The following ARK2C variants were observed in gnomAD, a reference collection of about 807,000 sequenced individuals.
The protein encoded by ARK2C is E3 ubiquitin-protein ligase ARK2C.
At chr18:46,363,399 G>A in the ARK2C span, among the ~76,000 whole-genome samples, 1 of 152,224 alleles carries the variant, frequency 6.6e-6, no homozygotes, top group Non-Finnish European at 1.5e-5. Flanking sequence ...CTCAGCCAGA[G>A]CTCCTCTTTT....
the ARK2C span, among the ~76,000 whole-genome samples, chr18:46,434,423 G>A: frequency 2.6e-5 from 4 of 152,242 alleles, no homozygotes; most frequent in Admixed American, 1.3e-4. Context: ...TGAGAAGAAT[G>A]ACTTTTTAAA....
chr18:46,432,991 C>T, the ARK2C span, among the ~76,000 whole-genome samples: 1 of 152,120 alleles, frequency 6.6e-6, no homozygotes, highest in Admixed American at 6.5e-5. Context: ...AACACTTCCC[C>T]CTCCATCAGG....
At chr18:46,341,079 G>A in the ARK2C span, among the ~76,000 whole-genome samples, 4 of 152,260 alleles carry the variant, frequency 2.6e-5, no homozygotes, top group Admixed American at 6.5e-5. Context: ...GGGAGCACCG[G>A]GATCATTGTC....
chr18:46,420,627 C>T, the ARK2C span, among the ~76,000 whole-genome samples: 1 of 151,946 alleles, frequency 6.6e-6, no homozygotes, highest in African/African-American at 2.4e-5. Context: ...GGTGGATCAC[C>T]TGAGTTCAGG....
chr18:46,383,586 A>G, the ARK2C span, among the ~76,000 whole-genome samples: 36 of 119,298 alleles, frequency 3.0e-4, no homozygotes, highest in African/African-American at 9.5e-4. Flanking sequence ...ACGGAGTCTC[A>G]CTCTGTCACC....
At chr18:46,353,237 C>T in the ARK2C span, among the ~76,000 whole-genome samples, 52 of 152,338 alleles carry the variant, frequency 3.4e-4, no homozygotes, top group Non-Finnish European at 6.6e-4. Context: ...GGACAGTAGA[C>T]ACTGAATGAA....
the ARK2C span, among the ~76,000 whole-genome samples, chr18:46,349,272 T>A: frequency 3.2e-4 from 48 of 152,238 alleles, 1 homozygote; most frequent in African/African-American, 1.1e-3. Context: ...GAATCCAAGC[T>A]CAAGGTGCCA....
the ARK2C span, among the ~76,000 whole-genome samples, chr18:46,353,420 C>G: frequency 6.6e-6 from 1 of 152,178 alleles, no homozygotes; most frequent in African/African-American, 2.4e-5. Flanking sequence ...TAGGTGAGAG[C>G]AAGGGTCTGT....
chr18:46,379,703 C>A, the ARK2C span, among the ~76,000 whole-genome samples: 4 of 152,228 alleles, frequency 2.6e-5, no homozygotes, highest in African/African-American at 9.6e-5. Flanking sequence ...GTTCATTCAG[C>A]CACCCTGGGG....
chr18:46,374,909 T>A, the ARK2C span, among the ~76,000 whole-genome samples: 1 of 152,164 alleles, frequency 6.6e-6, no homozygotes, highest in East Asian at 1.9e-4. Context: ...GTCTGACATT[T>A]GGTCTTGAGG....
the ARK2C span, chr18:46,455,969 C>T: frequency 1.3e-6 from 2 of 1,597,424 alleles, no homozygotes; most frequent in East Asian, 2.2e-5. Flanking sequence ...CTCTGCTTCT[C>T]ATAGCGAAGA....
chr18:46,389,698 G>A, the ARK2C span, among the ~76,000 whole-genome samples: 1 of 151,922 alleles, frequency 6.6e-6, no homozygotes, highest in Non-Finnish European at 1.5e-5. Flanking sequence ...TCAAGCCATA[G>A]CAGCTCTCTC....
the ARK2C span, among the ~76,000 whole-genome samples, chr18:46,425,948 G>C: frequency 3.9e-5 from 6 of 152,126 alleles, no homozygotes; most frequent in Admixed American, 3.9e-4. Flanking sequence ...CTCATAGATG[G>C]TTCCTTCCCT....
At chr18:46,379,524 TC>T in the ARK2C span, among the ~76,000 whole-genome samples, 4 of 152,184 alleles carry the variant, frequency 2.6e-5, no homozygotes, top group Non-Finnish European at 5.9e-5. Flanking sequence ...AGTAACGGCT[TC>T]CGGGCCTGGC....
the ARK2C span, among the ~76,000 whole-genome samples, chr18:46,394,388 G>A: frequency 1.3e-5 from 2 of 152,142 alleles, no homozygotes; most frequent in African/African-American, 2.4e-5. Context: ...TAATTGTGAC[G>A]GGGTTCACTC....
At chr18:46,409,012 G>A in the ARK2C span, among the ~76,000 whole-genome samples, 1 of 152,142 alleles carries the variant, frequency 6.6e-6, no homozygotes, top group Non-Finnish European at 1.5e-5. Flanking sequence ...TCTGAGCCTT[G>A]GTCACTCAGT....
chr18:46,408,610 G>C, the ARK2C span, among the ~76,000 whole-genome samples: 1 of 152,202 alleles, frequency 6.6e-6, no homozygotes, highest in Non-Finnish European at 1.5e-5. Context: ...GCATCCTAAA[G>C]GGGGCACTGT....
the ARK2C span, among the ~76,000 whole-genome samples, chr18:46,353,795 T>C: frequency 6.6e-6 from 1 of 152,072 alleles, no homozygotes; most frequent in South Asian, 2.1e-4. Flanking sequence ...GATAACCAGA[T>C]ACAGACAGCC....
chr18:46,406,363 C>T, the ARK2C span, among the ~76,000 whole-genome samples: 1 of 152,220 alleles, frequency 6.6e-6, no homozygotes. Flanking sequence ...CTCTTACTGC[C>T]ATTGCCCTGT....
Sources: gnomAD v4.1 joint callset for allele counts (sites outside exome capture counted in the v4.1 genomes callset) on GRCh38, gnomAD v4.1.1 for gene constraint, MANE v1.5 for transcripts, NCBI Gene and HGNC (gene_info 2026-07-23, HGNC 2026-07-21) for gene names.